PAG1: variants seen among roughly 807,000 people sequenced by gnomAD.
PAG1 encodes the protein phosphoprotein membrane anchor with glycosphingolipid microdomains 1, also known as phosphoprotein associated with glycosphingolipid-enriched microdomains 1.
Under a neutral mutation model 31.7 loss-of-function variants are expected in PAG1, and 23 were observed. That is an observed-to-expected ratio of 0.73 (90% CI 0.52 to 1.03). The LOEUF (loss-of-function observed/expected upper bound fraction) is 1.03, where lower values mean the gene tolerates loss of function less well. Ranked by LOEUF, PAG1 falls within the 50% of genes least tolerant of loss-of-function variation. The probability of loss-of-function intolerance (pLI) is 0.00; values close to 1 mark genes in which losing one functional copy is unlikely to be tolerated. For missense variants in PAG1, 473 were observed against 540.7 expected (o/e 0.87, Z 1.24); for synonymous variants, 214 against 210.3 (o/e 1.02, Z -0.15).
chr8:81,058,285 AG>A (rs1808860927), intron 2 of PAG1, among the ~76,000 whole-genome samples: 1 of 152,242 alleles, frequency 6.6e-6, no homozygotes, highest in African/African-American at 2.4e-5. Context: ...ATCCTTCTGC[AG>A]GTTTCAATGT....
intron 1 of PAG1, among the ~76,000 whole-genome samples, chr8:81,077,826 T>C (rs1186842839): frequency 1.3e-5 from 2 of 152,238 alleles, no homozygotes; most frequent in East Asian, 1.9e-4. Context: ...CAGACTGACC[T>C]GTGTTCCATC....
chr8:81,038,110 G>A (rs766555818), intron 2 of PAG1, among the ~76,000 whole-genome samples: 1 of 152,196 alleles, frequency 6.6e-6, no homozygotes, highest in Non-Finnish European at 1.5e-5. Context: ...TCACTCAAGG[G>A]GTTATGGGGT....
At chr8:81,086,884 C>G (rs1399682736) in intron 1 of PAG1, among the ~76,000 whole-genome samples, 1 of 152,074 alleles carries the variant, frequency 6.6e-6, no homozygotes, top group East Asian at 1.9e-4. Flanking sequence ...AGAAAGTAAA[C>G]TGATATAACC....
At chr8:81,035,912 CATAT>C (rs1475136738) in intron 2 of PAG1, among the ~76,000 whole-genome samples, 1 of 151,728 alleles carries the variant, frequency 6.6e-6, no homozygotes, top group Non-Finnish European at 1.5e-5. Context: ...TATATACATG[CATAT>C]ATACACAGTT....
At chr8:81,005,296 A>G (rs7824934) in intron 3 of PAG1, among the ~76,000 whole-genome samples, 216 of 152,216 alleles carry the variant, frequency 1.4e-3, no homozygotes, top group African/African-American at 4.9e-3. Flanking sequence ...AATGGCATAT[A>G]TATGTATGTA....
intron 2 of PAG1, among the ~76,000 whole-genome samples, chr8:81,063,460 C>T (rs1808951053): frequency 6.6e-6 from 1 of 152,206 alleles, no homozygotes; most frequent in Non-Finnish European, 1.5e-5. Flanking sequence ...AAAGACCCAA[C>T]AGGGAAATTC....
chr8:81,035,942 C>T (rs1450250531), intron 2 of PAG1, among the ~76,000 whole-genome samples: 2 of 152,064 alleles, frequency 1.3e-5, no homozygotes, highest in Non-Finnish European at 2.9e-5. Context: ...CACATATTAA[C>T]ACATGTGTAT....
intron 1 of PAG1, among the ~76,000 whole-genome samples, chr8:81,099,859 T>C (rs12546914): frequency 0.46 from 70,255 of 152,076 alleles, 17,232 homozygotes; most frequent in East Asian, 0.76. Context: ...TGGAGACTTT[T>C]ATGGCATGTA....
chr8:80,973,473 T>C lies in PAG1; in HGVS notation c.*3071A>G, dbSNP rs1347453185. 1.3e-5 allele frequency: 2 copies of C among 152,154 alleles called. No homozygotes were observed. The highest frequency in any genetic ancestry group is 4.8e-5 in the African/African-American group (2 of 41,446). The allele number at this position is 152,154 out of a possible 1,614,324, so 9.4% of individuals were successfully genotyped here. A position where few individuals can be genotyped will look rare whatever the true frequency, so the allele number is the denominator to read the frequency against. The stretch of plus-strand genomic sequence containing the variant: ...TAGCATACAAAATGCTTCTAAACTT[T>C]CAAAATATCTGAATAAAAACAAAGA... On this transcript the variant is annotated 3_prime_UTR_variant, in exon 9 of 9. Transcript: ENST00000220597.
chr8:81,038,312 A>G (rs978440639), intron 2 of PAG1, among the ~76,000 whole-genome samples: 4 of 152,144 alleles, frequency 2.6e-5, no homozygotes, highest in Non-Finnish European at 5.9e-5. Flanking sequence ...TTCCTCTGCT[A>G]TGAAAAGTCC....
chr8:80,987,442 G>T lies in PAG1; in HGVS notation c.202C>A (p.Arg68Ser), dbSNP rs768620843. The change falls in exon 6 of 9, where the codon CGT becomes AGT. Residue 68 changes from arginine to serine, a missense_variant. Arg to Ser is a moderately radical substitution (Grantham distance 110). Coordinates refer to ENST00000220597, the MANE Select transcript of PAG1 (RefSeq NM_018440.4). The part of the protein sequence containing the change: ...NVPSDKEMFS[R>S]SVTSLATDAP... ...TCTGTTGCCAGGCTAGTAACTGAACGGCTGAACATCTCCTTGTCTGAAGGC... is the reference window on the plus strand; with the variant it reads ...TCTGTTGCCAGGCTAGTAACTGAACTGCTGAACATCTCCTTGTCTGAAGGC... 1.1e-5 allele frequency: 18 copies of T among 1,613,496 alleles called. No individual in the cohort carries two copies. Among genetic ancestry groups the T allele is most frequent in the Middle Eastern group, 1.6e-4 (1 of 6,084 alleles).
At chr8:80,987,872 C>T (rs1807458696) in intron 5 of PAG1, among the ~76,000 whole-genome samples, 1 of 152,170 alleles carries the variant, frequency 6.6e-6, no homozygotes, top group Admixed American at 6.6e-5. Context: ...CTGTGGGTAA[C>T]TGAAACTGCA....
chr8:81,029,445 C>G (rs1808341266), intron 3 of PAG1, among the ~76,000 whole-genome samples: 1 of 151,898 alleles, frequency 6.6e-6, no homozygotes, highest in African/African-American at 2.4e-5. Context: ...CTTCATGAAG[C>G]ATTCCTCACA....
intron 3 of PAG1, among the ~76,000 whole-genome samples, chr8:81,024,003 T>C (rs1176133026): frequency 6.6e-6 from 1 of 152,304 alleles, no homozygotes; most frequent in East Asian, 1.9e-4. Context: ...TGACTAATTA[T>C]AAAAACTAAT....
chr8:81,093,672 C>T (rs1809482707), intron 1 of PAG1, among the ~76,000 whole-genome samples: 1 of 152,028 alleles, frequency 6.6e-6, no homozygotes, highest in Middle Eastern at 3.4e-3. Context: ...GTGAGACTGA[C>T]CACCAAGACC....
intron 3 of PAG1, among the ~76,000 whole-genome samples, chr8:81,006,548 C>T (rs1342648075): frequency 6.6e-6 from 1 of 152,208 alleles, no homozygotes; most frequent in Non-Finnish European, 1.5e-5. Flanking sequence ...ACAGGGAGAA[C>T]TCAGAAAACT....
intron 3 of PAG1, among the ~76,000 whole-genome samples, chr8:80,999,499 C>T (rs947530863): frequency 1.3e-5 from 2 of 152,170 alleles, no homozygotes; most frequent in African/African-American, 2.4e-5. Context: ...ACCTGGAATG[C>T]CTTAACATCA....
intron 1 of PAG1, among the ~76,000 whole-genome samples, chr8:81,109,809 GCA>G (rs1809746722): frequency 6.6e-6 from 1 of 152,188 alleles, no homozygotes; most frequent in African/African-American, 2.4e-5. Flanking sequence ...AGACACTGAG[GCA>G]CAGACTTTGG....
chr8:81,012,728 T>C (rs547544479), intron 3 of PAG1, among the ~76,000 whole-genome samples: 4 of 152,346 alleles, frequency 2.6e-5, no homozygotes, highest in South Asian at 4.1e-4. Flanking sequence ...TATATATACA[T>C]TGAGTTTTTA....
Sources: allele counts gnomAD v4.1 joint callset (sites outside exome capture counted in the v4.1 genomes callset), GRCh38; gene constraint gnomAD v4.1.1; transcripts MANE v1.5; gene names NCBI Gene and HGNC (gene_info 2026-07-23, HGNC 2026-07-21).